DMD: variants seen among roughly 807,000 people sequenced by gnomAD.
DMD encodes the protein dystrophin.
A neutral mutation model predicts 330.1 loss-of-function variants in DMD; 63 were observed. That is an observed-to-expected ratio of 0.19 (90% CI 0.16 to 0.24). DMD has a LOEUF of 0.24. Ranked by LOEUF, DMD falls within the 10% of genes least tolerant of loss-of-function variation. DMD has a pLI of 1.00. For missense variants in DMD, 3,344 were observed against 2,684.1 expected (o/e 1.25, Z -5.43); for synonymous variants, 1,223 against 959.8 (o/e 1.27, Z -5.07).
chrX:32,131,904 T>G (rs2096697166), intron 44 of DMD, among the ~76,000 whole-genome samples: 1 of 111,868 alleles, frequency 8.9e-6, no homozygotes, highest in African/African-American at 3.2e-5. Context: ...CATCTGAGAC[T>G]GTCAGTTCCG....
chrX:32,044,052 G>A (rs191727239), intron 44 of DMD, among the ~76,000 whole-genome samples: 204 of 111,787 alleles, frequency 1.8e-3, no homozygotes, highest in African/African-American at 6.1e-3. Flanking sequence ...ATGACACTGG[G>A]AAGAGAGTAT....
intron 17 of DMD, among the ~76,000 whole-genome samples, chrX:32,525,805 G>T (rs1343271014): frequency 9.0e-6 from 1 of 111,572 alleles, no homozygotes; most frequent in African/African-American, 3.3e-5. Flanking sequence ...GTGAGCCTGG[G>T]TATTTAATTA....
At chrX:32,706,332 A>G (rs906598730) in intron 7 of DMD, among the ~76,000 whole-genome samples, 1 of 108,815 alleles carries the variant, frequency 9.2e-6, no homozygotes, top group Non-Finnish European at 1.9e-5. Context: ...ATGTATACAT[A>G]TGTAACAAAC....
intron 1 of DMD, among the ~76,000 whole-genome samples, chrX:33,164,406 T>G (rs1234736059): frequency 8.9e-6 from 1 of 112,524 alleles, no homozygotes; most frequent in Non-Finnish European, 1.9e-5. Flanking sequence ...TCCTTAGCCT[T>G]GGCTCCTTAG....
At chrX:31,286,753 G>GT (rs754632527) in intron 62 of DMD, among the ~76,000 whole-genome samples, 3 of 112,106 alleles carry the variant, frequency 2.7e-5, no homozygotes, top group African/African-American at 9.7e-5. Flanking sequence ...CTTTCTACAC[G>GT]TTTTTTCTTT....
intron 11 of DMD, chrX:32,641,654 C>A (rs59416281): frequency 0.02 from 2,958 of 150,358 alleles, 103 homozygotes; most frequent in African/African-American, 0.086. Context: ...AAGTTTTTAA[C>A]TTTTGTTATA....
At chrX:33,266,518 T>A (rs1233035898) in intron 1 of DMD, among the ~76,000 whole-genome samples, 1 of 111,598 alleles carries the variant, frequency 9.0e-6, no homozygotes, top group South Asian at 3.7e-4. Flanking sequence ...GGTGGTTAAC[T>A]TGAAAGAAGA....
intron 41 of DMD, among the ~76,000 whole-genome samples, chrX:32,333,969 T>C (rs940764424): frequency 4.5e-5 from 5 of 111,280 alleles, no homozygotes; most frequent in African/African-American, 1.6e-4. Flanking sequence ...TTATATTTTA[T>C]TCAGAATTTC....
chrX:32,236,657 T>A (rs151071171), intron 43 of DMD, among the ~76,000 whole-genome samples: 4 of 111,885 alleles, frequency 3.6e-5, no homozygotes, highest in African/African-American at 1.3e-4. Context: ...ATGTAAGATG[T>A]GACTTGCTCC....
chrX:32,231,732 A>G (rs747917862), intron 43 of DMD, among the ~76,000 whole-genome samples: 29 of 112,001 alleles, frequency 2.6e-4, no homozygotes, highest in African/African-American at 9.4e-4. Context: ...ATAATTAACA[A>G]GAGCCTATAC....
intron 16 of DMD, 48 bp downstream of exon 16, chrX:32,565,654 T>TA: frequency 2.6e-6 from 3 of 1,167,721 alleles, no homozygotes; most frequent in Non-Finnish European, 2.3e-6. Flanking sequence ...AATGCAGGTT[T>TA]AAAAAATCTC....
intron 9 of DMD, among the ~76,000 whole-genome samples, chrX:32,669,765 A>G (rs1053666234): frequency 3.6e-5 from 4 of 111,085 alleles, no homozygotes; most frequent in Non-Finnish European, 5.7e-5. Flanking sequence ...ATTCAGCTTC[A>G]TAAGTCCCAG....
Position 31,606,569 on chromosome X carries a change from A to T in DMD, c.8217+21104T>A, listed in dbSNP as rs892961727. Among the ~76,000 whole-genome samples, 12 of 111,742 alleles carry T rather than the reference A, an allele frequency of 1.1e-4. No homozygotes were observed. The South Asian group carries it at 4.1e-3, about 38-fold the overall frequency. On this transcript the variant is annotated intron_variant, in intron 55 of 78. Transcript: ENST00000357033. ...CATTCTATCTGAGATTAAGAGACCA[A>T]TGGTGAATATATTCCTCTTCATGGG... is the stretch of plus-strand genomic sequence containing the variant.
intron 51 of DMD, among the ~76,000 whole-genome samples, chrX:31,730,621 T>C (rs1211399180): frequency 9.0e-6 from 1 of 111,498 alleles, no homozygotes; most frequent in African/African-American, 3.2e-5. Context: ...CAGAGGTATT[T>C]ATGAAGAAAT....
At chrX:32,652,411 C>T (rs141723860) in intron 9 of DMD, among the ~76,000 whole-genome samples, 7,165 of 107,291 alleles carry the variant, frequency 0.067, 245 homozygotes, top group Middle Eastern at 0.14. Flanking sequence ...CTTGCGTTAG[C>T]TTGCTGAGAA....
At chrX:31,899,055 T>A (rs1873490671) in intron 47 of DMD, among the ~76,000 whole-genome samples, 1 of 111,808 alleles carries the variant, frequency 8.9e-6, no homozygotes, top group South Asian at 3.7e-4. Context: ...GAAGACAATA[T>A]AGGTAAAATG....
chrX:31,449,574 G>A (rs1003630019), intron 59 of DMD, among the ~76,000 whole-genome samples: 5 of 108,041 alleles, frequency 4.6e-5, no homozygotes, highest in Non-Finnish European at 7.6e-5. Flanking sequence ...TGGATTAGGA[G>A]GAAAGCAAAG....
chrX:31,875,140 C>T, intron 48 of DMD, 48 bp downstream of exon 48: 1 of 1,053,367 alleles, frequency 9.5e-7, no homozygotes, highest in Non-Finnish European at 1.3e-6. Context: ...GTGATATTGC[C>T]ATTTTTCTTA....
At chrX:31,245,204 C>T (rs1379571545) in intron 63 of DMD, among the ~76,000 whole-genome samples, 1 of 111,812 alleles carries the variant, frequency 8.9e-6, no homozygotes, top group African/African-American at 3.2e-5. Flanking sequence ...AACTGATATT[C>T]CCTATTTTAA....
Sources: allele counts gnomAD v4.1 joint callset (sites outside exome capture counted in the v4.1 genomes callset), GRCh38; gene constraint gnomAD v4.1.1; transcripts MANE v1.5; gene names NCBI Gene and HGNC (gene_info 2026-07-23, HGNC 2026-07-21).